The following ELP3 variants were observed in gnomAD, a reference collection of about 807,000 sequenced individuals.
ELP3 encodes the protein elongator complex protein 3.
A neutral mutation model predicts 74.9 loss-of-function variants in ELP3; 56 were observed. The ratio of observed to expected loss-of-function variants is 0.75; its 90% CI spans 0.60 to 0.93. The LOEUF is 0.93. Ranked by LOEUF, ELP3 falls within the 40% of genes least tolerant of loss-of-function variation. ELP3 has a pLI of 0.00. For synonymous variants in ELP3, 222 were observed against 239.8 expected, an observed-to-expected ratio of 0.93 and a Z score of 0.68; for missense variants, 573 against 686.5, an observed-to-expected ratio of 0.83 and a Z score of 1.85.
intron 9 of ELP3, among the ~76,000 whole-genome samples, chr8:28,135,109 T>C (rs998110083): frequency 2.0e-5 from 3 of 152,160 alleles, no homozygotes; most frequent in Non-Finnish European, 2.9e-5. Context: ...TTTGTATTTT[T>C]AGTAGAGACG....
chr8:28,168,058 C>T (rs1011825307), intron 14 of ELP3, among the ~76,000 whole-genome samples: 5 of 152,194 alleles, frequency 3.3e-5, no homozygotes, highest in African/African-American at 1.2e-4. Context: ...TGTAGCTCCT[C>T]CCAGGAATCT....
intron 3 of ELP3, among the ~76,000 whole-genome samples, chr8:28,102,092 C>G (rs1811511990): frequency 6.6e-6 from 1 of 152,094 alleles, no homozygotes; most frequent in Non-Finnish European, 1.5e-5. Flanking sequence ...GTCCTGGGCT[C>G]ATTGTGTTTG....
chr8:28,148,248 A>G (rs1340427683), intron 10 of ELP3, among the ~76,000 whole-genome samples: 2 of 152,216 alleles, frequency 1.3e-5, no homozygotes, highest in African/African-American at 2.4e-5. Context: ...TCATCAGTCA[A>G]TATGAGACTA....
chr8:28,156,628 G>A (rs1813839250), intron 11 of ELP3, among the ~76,000 whole-genome samples: 2 of 152,160 alleles, frequency 1.3e-5, no homozygotes, highest in Admixed American at 1.3e-4. Context: ...CTGCTAAAGG[G>A]ATAAACCAGG....
chr8:28,175,028 C>G (rs968561870), intron 14 of ELP3, among the ~76,000 whole-genome samples: 3 of 152,110 alleles, frequency 2.0e-5, no homozygotes, highest in Admixed American at 6.5e-5. Flanking sequence ...ATTGAGGATT[C>G]CTTCTATGTG....
At chr8:28,093,754 T>C (rs1383655004) in intron 1 of ELP3, 1 of 161,630 alleles carries the variant, frequency 6.2e-6, no homozygotes, top group African/African-American at 2.4e-5. Context: ...ATTTGAAATA[T>C]TCTCTCACAG....
chr8:28,100,082 G>T, intron 3 of ELP3, 116 bp downstream of exon 3: 1 of 1,320,238 alleles, frequency 7.6e-7, no homozygotes, highest in Non-Finnish European at 1.1e-6. Flanking sequence ...AACTAATGAA[G>T]TCCCTGTATT....
chr8:28,151,582 G>A (rs1164862562), intron 10 of ELP3, among the ~76,000 whole-genome samples: 3 of 152,190 alleles, frequency 2.0e-5, no homozygotes, highest in Admixed American at 6.5e-5. Flanking sequence ...TAAGATGATG[G>A]GGGAGAAGTG....
chr8:28,109,849 T>C (rs1811843551), intron 5 of ELP3, among the ~76,000 whole-genome samples: 1 of 152,190 alleles, frequency 6.6e-6, no homozygotes, highest in Non-Finnish European at 1.5e-5. Context: ...AACCTGGACG[T>C]ATTCTTTATT....
At chr8:28,157,426 A>G (rs889728775) in intron 11 of ELP3, among the ~76,000 whole-genome samples, 1 of 152,210 alleles carries the variant, frequency 6.6e-6, no homozygotes, top group African/African-American at 2.4e-5. Flanking sequence ...TAATAATTAC[A>G]GAGATTGATC....
In ELP3 at chr8:28,106,640, G is replaced by C. The variant is rs1028858215; in HGVS notation, c.259-73G>C. ...TGGTTGCATTCCTCTCCTTCCTTCC[G>C]AGGGATAAGCACTCTGTGGAGTTTT... On this transcript the variant is annotated intron_variant, in intron 3 of 14. Coordinates refer to ENST00000256398, the MANE Select transcript of ELP3 (RefSeq NM_018091.6). 6 of 1,282,984 alleles carry C rather than the reference G, an allele frequency of 4.7e-6. No individual in the cohort carries two copies. The East Asian group carries it at 1.4e-4, about 30-fold the overall frequency. 79.5% of individuals were successfully genotyped at this position (1,282,984 alleles called of 1,614,324 possible).
At chr8:28,118,243 G>C (rs942010833) in intron 7 of ELP3, among the ~76,000 whole-genome samples, 4 of 152,140 alleles carry the variant, frequency 2.6e-5, no homozygotes, top group African/African-American at 4.8e-5. Flanking sequence ...GTCTGTTCAC[G>C]TTAGGGTCAA....
In ELP3 at chr8:28,109,908, C is replaced by T. The variant is rs576924062; in HGVS notation, c.394-462C>T. ...ATATCAGAGTCCTCTTTCACTTTGC[C>T]TTTTATTTTACAATATCTTAGTGAA... On this transcript the variant is annotated intron_variant, in intron 5 of 14. Transcript: ENST00000256398. 7.9e-5 allele frequency among the ~76,000 whole-genome samples: 12 copies of T among 152,244 alleles called. No homozygotes were observed. The South Asian group carries it at 2.5e-3, about 32-fold the overall frequency.
At chr8:28,162,344 C>G (rs570242159) in intron 14 of ELP3, among the ~76,000 whole-genome samples, 3 of 152,292 alleles carry the variant, frequency 2.0e-5, no homozygotes, top group African/African-American at 4.8e-5. Context: ...TGGTCGCCTC[C>G]TCTTTGTGCT....
At chr8:28,102,438 T>C (rs1811526460) in intron 3 of ELP3, among the ~76,000 whole-genome samples, 1 of 152,220 alleles carries the variant, frequency 6.6e-6, no homozygotes, top group Non-Finnish European at 1.5e-5. Flanking sequence ...GTCATTTCCT[T>C]ACGCATCTAT....
intron 7 of ELP3, among the ~76,000 whole-genome samples, chr8:28,123,389 A>G (rs1812448841): frequency 6.6e-6 from 1 of 152,138 alleles, no homozygotes; most frequent in Admixed American, 6.5e-5. Flanking sequence ...CCTACTCTGT[A>G]TAATTTTGGT....
At chr8:28,092,234 G>T (rs926498219), upstream of ELP3, among the ~76,000 whole-genome samples, 3 of 151,854 alleles carry the variant, frequency 2.0e-5, no homozygotes, top group Non-Finnish European at 4.4e-5. Flanking sequence ...ACTTTTTGTT[G>T]TTGTTGTTGT....
intron 7 of ELP3, chr8:28,129,229 T>C (rs1812698736): frequency 3.3e-6 from 1 of 305,690 alleles, no homozygotes; most frequent in South Asian, 9.0e-5. Context: ...ATAACATTAC[T>C]ATGCTAGCTC....
intron 14 of ELP3, among the ~76,000 whole-genome samples, chr8:28,175,242 T>C (rs1366943081): frequency 4.6e-5 from 7 of 152,176 alleles, no homozygotes; most frequent in Admixed American, 2.6e-4. Context: ...TTTATGTCTC[T>C]CATCTCCCTC....
Sources: allele counts gnomAD v4.1 joint callset (sites outside exome capture counted in the v4.1 genomes callset), GRCh38; gene constraint gnomAD v4.1.1; transcripts MANE v1.5; gene names NCBI Gene and HGNC (gene_info 2026-07-23, HGNC 2026-07-21).